STPG2: variants seen among roughly 807,000 people sequenced by gnomAD.
STPG2 encodes the protein sperm tail PG-rich repeat containing 2.
In STPG2, 56 loss-of-function variants were observed where a neutral mutation model predicts 54.2. That is an observed-to-expected ratio of 1.03 (90% CI 0.83 to 1.29). The LOEUF is 1.29. Ranked by LOEUF, STPG2 falls within the 50% of genes most tolerant of loss-of-function variation. The probability of loss-of-function intolerance (pLI) is 0.00; values close to 1 mark genes in which losing one functional copy is unlikely to be tolerated. For synonymous variants in STPG2, 200 were observed against 181.8 expected (o/e 1.10, Z -0.81); for missense variants, 596 against 544.9 (o/e 1.09, Z -0.93).
chr4:97,943,382 C>G (rs1316132581), intron 8 of STPG2, among the ~76,000 whole-genome samples: 1 of 152,112 alleles, frequency 6.6e-6, no homozygotes, highest in Non-Finnish European at 1.5e-5. Context: ...TGCTCAACTA[C>G]TAATTTTTTA....
intron 8 of STPG2, among the ~76,000 whole-genome samples, chr4:97,890,987 G>C (rs1730749081): frequency 6.6e-6 from 1 of 151,816 alleles, no homozygotes; most frequent in South Asian, 2.1e-4. Context: ...TTAAGAATTA[G>C]TATTATAGGC....
chr4:97,994,738 T>C (rs1735148321), intron 5 of STPG2, among the ~76,000 whole-genome samples: 1 of 152,024 alleles, frequency 6.6e-6, no homozygotes, highest in Non-Finnish European at 1.5e-5. Flanking sequence ...GGGTCCTTGA[T>C]TGTATTTTTG....
intron 4 of STPG2, among the ~76,000 whole-genome samples, chr4:97,543,615 T>C (rs1219174608): frequency 6.6e-6 from 1 of 152,104 alleles, no homozygotes; most frequent in Non-Finnish European, 1.5e-5. Context: ...GATAGCAAAA[T>C]TCTGATAAGA....
At chr4:97,531,145 C>G (rs1255155846) in intron 4 of STPG2, among the ~76,000 whole-genome samples, 1 of 152,046 alleles carries the variant, frequency 6.6e-6, no homozygotes, top group African/African-American at 2.4e-5. Flanking sequence ...CAAATTAAAA[C>G]TAAAATGATA....
intron 4 of STPG2, among the ~76,000 whole-genome samples, chr4:97,444,372 T>C (rs753063597): frequency 1.3e-5 from 2 of 152,150 alleles, no homozygotes; most frequent in African/African-American, 2.4e-5. Flanking sequence ...ATTGACTTTT[T>C]TTAACGCATA....
intron 7 of STPG2, among the ~76,000 whole-genome samples, chr4:97,960,949 C>A (rs1733860982): frequency 6.6e-6 from 1 of 152,068 alleles, no homozygotes; most frequent in Non-Finnish European, 1.5e-5. Flanking sequence ...TCAAACTACA[C>A]TACAAGGCCA....
intron 10 of STPG2, among the ~76,000 whole-genome samples, chr4:97,605,814 A>C (rs1733578034): frequency 6.8e-6 from 1 of 147,650 alleles, no homozygotes; most frequent in African/African-American, 2.7e-5. Context: ...TTAATACAAA[A>C]AAAAGAAAAA....
At chr4:98,095,061 T>C (rs1304855493) in intron 5 of STPG2, among the ~76,000 whole-genome samples, 1 of 152,204 alleles carries the variant, frequency 6.6e-6, no homozygotes. Context: ...GTAGTGCTTT[T>C]ATTAGTTTAT....
intron 8 of STPG2, among the ~76,000 whole-genome samples, chr4:97,854,083 G>A (rs1729253298): frequency 6.6e-6 from 1 of 152,060 alleles, no homozygotes; most frequent in South Asian, 2.1e-4. Context: ...GCCTTAGTTT[G>A]CCAAAGTGCT....
chr4:97,453,184 G>A (rs775742228), intron 4 of STPG2, among the ~76,000 whole-genome samples: 6 of 152,314 alleles, frequency 3.9e-5, no homozygotes, highest in East Asian at 1.9e-4. Flanking sequence ...CCAAGCTTCC[G>A]GGTGCCACTG....
intron 7 of STPG2, among the ~76,000 whole-genome samples, chr4:97,969,580 G>A (rs535709405): frequency 1.5e-4 from 23 of 152,238 alleles, no homozygotes; most frequent in Admixed American, 3.9e-4. Context: ...AGACAGCCCC[G>A]TTGCATTGCG....
intron 9 of STPG2, among the ~76,000 whole-genome samples, chr4:97,722,679 C>T (rs1724485464): frequency 6.6e-6 from 1 of 151,738 alleles, no homozygotes; most frequent in Non-Finnish European, 1.5e-5. Context: ...ATAAAATAAG[C>T]AATAATTAAT....
chr4:98,113,852 T>G (rs1237239567), intron 3 of STPG2, among the ~76,000 whole-genome samples: 2 of 151,960 alleles, frequency 1.3e-5, no homozygotes, highest in African/African-American at 4.8e-5. Context: ...AATTCCTAAG[T>G]ATAACACAAA....
chr4:97,833,941 ACAGTGTGGCGAT>A (rs1405676245), intron 9 of STPG2, among the ~76,000 whole-genome samples: 1 of 152,152 alleles, frequency 6.6e-6, no homozygotes, highest in Non-Finnish European at 1.5e-5. Flanking sequence ...ACTGTGAAAG[ACAGTGTGGCGAT>A]TACTCAAGTA....
intron 9 of STPG2, among the ~76,000 whole-genome samples, chr4:97,768,159 T>C (rs1253047469): frequency 7.4e-6 from 1 of 135,538 alleles, no homozygotes; most frequent in Non-Finnish European, 1.6e-5. Flanking sequence ...AGAGCGAGAC[T>C]CCGTCTCAAA....
At chr4:97,892,770 T>C (rs1293868354) in intron 8 of STPG2, among the ~76,000 whole-genome samples, 2 of 152,198 alleles carry the variant, frequency 1.3e-5, no homozygotes, top group Non-Finnish European at 2.9e-5. Context: ...TTTATGCATA[T>C]GTATGTACAG....
intron 4 of STPG2, among the ~76,000 whole-genome samples, chr4:97,473,750 G>A (rs528560814): frequency 2.3e-4 from 35 of 152,134 alleles, no homozygotes; most frequent in Admixed American, 9.8e-4. Flanking sequence ...GGGGCATCAC[G>A]GAACCTACTG....
chr4:97,702,274 C>T (rs1038554026), intron 10 of STPG2, among the ~76,000 whole-genome samples: 7 of 152,314 alleles, frequency 4.6e-5, no homozygotes, highest in Middle Eastern at 6.8e-3. Context: ...AGAGTCCCCA[C>T]TTAGTGGGCC....
At chr4:97,602,885 A>G (rs1012703731) in intron 10 of STPG2, among the ~76,000 whole-genome samples, 3 of 151,768 alleles carry the variant, frequency 2.0e-5, no homozygotes, top group Non-Finnish European at 4.4e-5. Flanking sequence ...ATAAGGATAG[A>G]AAAAACAAAA....
Sources: gnomAD v4.1 joint callset for allele counts (sites outside exome capture counted in the v4.1 genomes callset) on GRCh38, gnomAD v4.1.1 for gene constraint, MANE v1.5 for transcripts, NCBI Gene and HGNC (gene_info 2026-07-23, HGNC 2026-07-21) for gene names.